Variants in HAP1 observed in about 807,000 individuals in gnomAD.
HAP1 encodes huntingtin-associated protein 1.
HAP1 carries 59 observed loss-of-function variants against 60.3 expected under a neutral mutation model. The ratio of observed to expected loss-of-function variants is 0.98; its 90% CI spans 0.79 to 1.22. The LOEUF is 1.22. Ranked by LOEUF, HAP1 falls within the 50% of genes most tolerant of loss-of-function variation. HAP1 has a pLI of 0.00. For missense variants in HAP1, 825 were observed against 785.3 expected (o/e 1.05, Z -0.60); for synonymous variants, 346 against 330.6 (o/e 1.05, Z -0.50).
rs1318532051 is a variant in HAP1, at chr17:41,723,804, C to G, written c.*897G>C. ...GAATGGGGACAGGCTGGGACGGGTA[C>G]CAGGACAGCACTAGAGGGGAGGGAT... On this transcript the variant is annotated 3_prime_UTR_variant, in exon 11 of 11. Transcript: ENST00000347901. 2 of 152,430 alleles carry G rather than the reference C, an allele frequency of 1.3e-5. No individual in the cohort carries two copies. The highest frequency in any genetic ancestry group is 2.4e-5 in the African/African-American group (1 of 41,412). The allele number at this position is 152,430 out of a possible 1,614,324, so 9.4% of individuals were successfully genotyped here.
downstream of HAP1, among the ~76,000 whole-genome samples, chr17:41,720,025 G>A (rs1234728938): frequency 1.3e-5 from 2 of 151,462 alleles, no homozygotes; most frequent in African/African-American, 4.9e-5. Flanking sequence ...AAGTAGCTGG[G>A]ATTACAGGCG....
rs1555592102 is a variant in HAP1 at position 41,734,442 on chromosome 17, G to T, written c.193C>A (p.Arg65Ser). Residue 65 changes from arginine to serine, a missense_variant, in exon 1 of 11, where the codon CGC (arginine) becomes AGC (serine). Arg to Ser is a moderately radical substitution (Grantham distance 110). Coordinates refer to ENST00000347901, the MANE Select transcript of HAP1 (RefSeq NM_177977.3). ...TCCGAGGCCGGGCGAGCTCCGGTGC[G>T]GGCTTCCGAGAGGAACTGGGATCCA... ...TSGSQFLSEA[R>S]TGARPASEAG... The T allele has an allele frequency of 1.2e-6, 2 of 1,608,522 alleles. No homozygotes were observed. Among genetic ancestry groups the T allele is most frequent in the Admixed American group, 1.7e-5 (1 of 59,888 alleles).
intron 7 of HAP1, among the ~76,000 whole-genome samples, 175 bp from the exon 8 acceptor site, chr17:41,728,011 A>T (rs1303700201): frequency 6.6e-6 from 1 of 151,782 alleles, no homozygotes; most frequent in Non-Finnish European, 1.5e-5. Flanking sequence ...GGTTCCTAGA[A>T]GACTCCAGGA....
intron 2 of HAP1, 66 bp from the exon 3 acceptor site, chr17:41,732,460 C>A: frequency 6.6e-7 from 1 of 1,517,378 alleles, no homozygotes. Context: ...TCCCCTAGTT[C>A]TCTAGGGTAC....
chr17:41,727,133 AG>A lies in HAP1; in HGVS notation c.1286del (p.Pro429LeufsTer15), dbSNP rs782773222. 2.5e-6 allele frequency: 4 copies of A among 1,577,100 alleles called. No individual in the cohort carries two copies. The South Asian group carries it at 3.3e-5, about 13-fold the overall frequency. On this transcript the variant is annotated frameshift_variant, in exon 9 of 11. Coordinates refer to ENST00000347901, the MANE Select transcript of HAP1 (RefSeq NM_177977.3). LOFTEE classifies it high-confidence loss of function. ...QMQLQEEETL[P>X]GFQETLAEEL... ...CCTCAGCCAGCGTCTCCTGGAAACC[AG>A]GAAGAGTCTCCTATGGTGGAGAGAA...
At chr17:41,728,942 G>T (rs945354067) in intron 6 of HAP1, among the ~76,000 whole-genome samples, 1 of 68,812 alleles carries the variant, frequency 1.5e-5, no homozygotes, top group Non-Finnish European at 4.0e-5. Flanking sequence ...ACTTGGGTTT[G>T]TTGGTTTATT....
chr17:41,732,684 T>C, intron 2 of HAP1, 35 bp downstream of exon 2: 1 of 1,551,068 alleles, frequency 6.4e-7, no homozygotes. Flanking sequence ...AAAACTAGAA[T>C]AAGGGCTTGC....
chr17:41,722,385 G>C (rs1597731844), downstream of HAP1: 2 of 152,306 alleles, frequency 1.3e-5, no homozygotes, highest in East Asian at 3.9e-4. Flanking sequence ...GGAAGCATGA[G>C]CTCAAATCCC....
rs1202638633 is a variant in HAP1 at position 41,723,599 on chromosome 17, G to C, written c.*1102C>G. The C allele has an allele frequency of 1.3e-5, 2 of 152,756 alleles. No homozygotes were observed. The highest frequency in any genetic ancestry group is 2.9e-5 in the Non-Finnish European group (2 of 68,122). 9.5% of individuals were successfully genotyped at this position (152,756 alleles called of 1,614,324 possible). A position where few individuals can be genotyped will look rare whatever the true frequency, so the allele number is the denominator to read the frequency against. On this transcript the variant is annotated 3_prime_UTR_variant, in exon 11 of 11. Coordinates refer to ENST00000347901, the MANE Select transcript of HAP1 (RefSeq NM_177977.3). ...GATGACCACAGGCCTGGCCTGGGCG[G>C]TGGGCAGGGGTCTGATCAACTGTAT...
chr17:41,719,593 T>C (rs1311086574), downstream of HAP1, among the ~76,000 whole-genome samples: 1 of 151,812 alleles, frequency 6.6e-6, no homozygotes. Context: ...CTCAGGAGGC[T>C]GAGACAGGAG....
chr17:41,717,826 G>A (rs1287219209), downstream of HAP1: 15 of 328,606 alleles, frequency 4.6e-5, no homozygotes, highest in African/African-American at 1.9e-4. Context: ...CTGTATCCCC[G>A]GTGGCAAGAA....
At position 41,727,305 on chromosome 17, in the gene HAP1, ACG is replaced by A. The variant is rs782698029; in HGVS notation, c.1276-163_1276-162del. 5.1e-6 allele frequency: 4 copies of A among 780,784 alleles called. No homozygotes were observed. The African/African-American group carries it at 6.8e-5, about 13-fold the overall frequency. The allele number at this position is 780,784 out of a possible 1,614,324, so 48.4% of individuals were successfully genotyped here. A position where few individuals can be genotyped will look rare whatever the true frequency, so the allele number is the denominator to read the frequency against. On this transcript the variant is annotated intron_variant, in intron 8 of 10. Coordinates refer to ENST00000347901, the MANE Select transcript of HAP1 (RefSeq NM_177977.3). ...CCAGGGGAGGGTCCTCACCAGAGGC[ACG>A]CTGTATGGGTAATGGGTGGCAGACC...
rs1166346385 is a variant in HAP1, at chr17:41,722,797, A to G, written c.*1904T>C. On this transcript the variant is annotated 3_prime_UTR_variant, in exon 11 of 11. Transcript: ENST00000347901. ...GAACAAAGGTGTGGGAAAGGGCAGA[A>G]CATGGAAGAGGAAGCCAGGGGCAGG... is the stretch of plus-strand genomic sequence containing the variant. The G allele has an allele frequency of 1.3e-5, 2 of 150,798 alleles. No homozygotes were observed. The highest frequency in any genetic ancestry group is 3.0e-5 in the Non-Finnish European group (2 of 67,744). The allele number at this position is 150,798 out of a possible 1,614,324, so 9.3% of individuals were successfully genotyped here.
At chr17:41,727,904 G>A in intron 7 of HAP1, 68 bp from the exon 8 acceptor site, 1 of 973,434 alleles carries the variant, frequency 1.0e-6, no homozygotes, top group Admixed American at 1.8e-5. Context: ...CCTGCTTCCA[G>A]CAAGTCTTCC....
At chr17:41,727,438 A>G (rs1911750351) in intron 8 of HAP1, 1 of 778,688 alleles carries the variant, frequency 1.3e-6, no homozygotes, top group Non-Finnish European at 2.4e-6. Flanking sequence ...TGCAGCTGGG[A>G]ACCCACCCAC....
intron 6 of HAP1, among the ~76,000 whole-genome samples, chr17:41,729,485 G>A (rs1338851590): frequency 7.2e-6 from 1 of 139,186 alleles, no homozygotes; most frequent in Non-Finnish European, 1.5e-5. Context: ...GGGAGGTGGA[G>A]GTTGCAGTGA....
At chr17:41,725,793 G>A in intron 10 of HAP1, 66 bp downstream of exon 10, 2 of 1,208,372 alleles carry the variant, frequency 1.7e-6, no homozygotes, top group Middle Eastern at 3.8e-4. Flanking sequence ...CAGAACCAGA[G>A]GCAGGTGGGC....
intron 1 of HAP1, among the ~76,000 whole-genome samples, chr17:41,733,351 G>GT (rs1555591679): frequency 2.2e-5 from 1 of 45,944 alleles, no homozygotes; most frequent in Non-Finnish European, 4.7e-5. Flanking sequence ...ACCGCGCCCG[G>GT]CTTTTTTTTT....
At position 41,734,366 on chromosome 17, in the gene HAP1, T is replaced by C; in HGVS notation, c.269A>G (p.Gln90Arg). ...GTCGGGCATAGACCGGACATCCCCT[T>C]GGATGGCCGAGAATGCGGACGGGCG... Reference protein sequence around the residue: ...ARRPSAFSAIQGDVRSMPDNS... With the variant: ...ARRPSAFSAIRGDVRSMPDNS... Residue 90 changes from glutamine to arginine, a missense_variant, in exon 1 of 11, where the codon CAA becomes CGA. Gln to Arg is a conservative substitution (Grantham distance 43). Transcript: ENST00000347901. The C allele has an allele frequency of 6.2e-7, 1 of 1,607,256 alleles. No homozygotes were observed. Among genetic ancestry groups the C allele is most frequent in the Non-Finnish European group, 8.5e-7 (1 of 1,175,560 alleles).
Sources: allele counts gnomAD v4.1 joint callset (sites outside exome capture counted in the v4.1 genomes callset), GRCh38; gene constraint gnomAD v4.1.1; transcripts MANE v1.5; gene names NCBI Gene and HGNC (gene_info 2026-07-23, HGNC 2026-07-21).